SMO: variants seen among roughly 807,000 people sequenced by gnomAD.
SMO encodes the protein smoothened, frizzled class receptor, also known as protein smoothened.
SMO carries 40 observed loss-of-function variants against 81.6 expected under a neutral mutation model. The ratio of observed to expected loss-of-function variants is 0.49; its 90% CI spans 0.38 to 0.64. The LOEUF is 0.64. Among genes scored for constraint, SMO ranks in the 30% least tolerant of loss-of-function variants. The probability of loss-of-function intolerance (pLI) is 0.00; values close to 1 mark genes in which losing one functional copy is unlikely to be tolerated. For missense variants in SMO, 916 were observed against 1,061.1 expected (o/e 0.86, Z 1.90); for synonymous variants, 434 against 432.1 (o/e 1.00, Z -0.05).
chr7:129,196,357 T>TG (rs1438805439), intron 1 of SMO, among the ~76,000 whole-genome samples: 4 of 92,650 alleles, frequency 4.3e-5, no homozygotes, highest in African/African-American at 1.6e-4. Flanking sequence ...GTGTGTGTGT[T>TG]TTAATAGAGA....
At position 129,206,318 on chromosome 7, in the gene SMO, C is replaced by T. The variant is rs2150650264; in HGVS notation, c.1089C>T (p.Leu363=). Residue 363 remains leucine, a synonymous_variant, in exon 5 of 12, where the codon CTC becomes CTT. Coordinates refer to ENST00000249373, the MANE Select transcript of SMO (RefSeq NM_005631.5). This position sits in a 1 kb window ranked among gnomAD's most constrained non-coding sequence, Gnocchi z 4.4. ...LSGKTSYFHL[L]TWSLPFVLTV... ...GCAAGACCTCCTACTTCCACCTGCT[C>T]ACCTGGTCACTCCCCTTTGTCCTCA... 1.9e-6 allele frequency: 3 copies of T among 1,614,214 alleles called. No individual in the cohort carries two copies. Among genetic ancestry groups the T allele is most frequent in the South Asian group, 2.2e-5 (2 of 91,088 alleles).
At position 129,189,785 on chromosome 7, in the gene SMO, A is replaced by G. The variant is rs1793456779; in HGVS notation, c.331+303A>G. Among the ~76,000 whole-genome samples the G allele has an allele frequency of 1.3e-5, 2 of 152,218 alleles. No individual in the cohort carries two copies. The highest frequency in any genetic ancestry group is 3.4e-3 in the Middle Eastern group (1 of 294). On this transcript the variant is annotated intron_variant, in intron 1 of 11. Transcript: ENST00000249373. The surrounding 1 kb of genome is among the most constrained non-coding windows in gnomAD (Gnocchi z 4.7). Reference sequence around the variant, plus strand: ...GTGGCTCTAAGCCACGGGAAAAGACATTTTGTAAGAAGAGGAGATGCTCCA... The same window carrying G: ...GTGGCTCTAAGCCACGGGAAAAGACGTTTTGTAAGAAGAGGAGATGCTCCA...
At chr7:129,197,670 C>G (rs2150643561) in intron 1 of SMO, among the ~76,000 whole-genome samples, 1 of 152,308 alleles carries the variant, frequency 6.6e-6, no homozygotes, top group African/African-American at 2.4e-5. Context: ...ATCCGCCCGC[C>G]TCAGCCTCCC....
chr7:129,199,047 T>TAGA (rs781609285), intron 1 of SMO, among the ~76,000 whole-genome samples: 6 of 152,142 alleles, frequency 3.9e-5, no homozygotes, highest in East Asian at 1.9e-4. Context: ...ACATGTGAAG[T>TAGA]AGAAGTACTA....
chr7:129,196,120 GAAA>G (rs1167925142), intron 1 of SMO, among the ~76,000 whole-genome samples: 1 of 134,836 alleles, frequency 7.4e-6, no homozygotes, highest in Non-Finnish European at 1.6e-5. Context: ...AAAAAGAAAA[GAAA>G]AAAAAAACAA....
At chr7:129,199,759 A>G (rs1234430963) in intron 1 of SMO, among the ~76,000 whole-genome samples, 2 of 152,174 alleles carry the variant, frequency 1.3e-5, no homozygotes, top group Admixed American at 6.5e-5. Flanking sequence ...AATAAAAAAA[A>G]CATAAAGAGA....
rs1402944491 is a variant in SMO at position 129,206,654 on chromosome 7, G to A, written c.1264+67G>A. 3 of 1,558,760 alleles carry A rather than the reference G, an allele frequency of 1.9e-6. No individual in the cohort carries two copies. Among genetic ancestry groups the A allele is most frequent in the Non-Finnish European group, 2.6e-6 (3 of 1,142,042 alleles). On this transcript the variant is annotated intron_variant, in intron 6 of 11. Coordinates refer to ENST00000249373, the MANE Select transcript of SMO (RefSeq NM_005631.5). The surrounding 1 kb of genome is among the most constrained non-coding windows in gnomAD (Gnocchi z 4.4). ...TACTGGGCACTTGCTGCCAGTACTG[G>A]GAGCTGCCAGCACGGCTGCCCCCAT... is the stretch of plus-strand genomic sequence containing the variant.
At chr7:129,200,703 A>G (rs555151797) in intron 1 of SMO, among the ~76,000 whole-genome samples, 1 of 152,290 alleles carries the variant, frequency 6.6e-6, no homozygotes, top group East Asian at 1.9e-4. Context: ...ACAGATATAA[A>G]AAGATTGAGA....
At position 129,211,188 on chromosome 7, in the gene SMO, G is replaced by A. The variant is rs2150655074; in HGVS notation, c.1801+75G>A. On this transcript the variant is annotated intron_variant, in intron 10 of 11. Transcript: ENST00000249373. This position sits in a 1 kb window ranked among gnomAD's most constrained non-coding sequence, Gnocchi z 4.6. ...TGTGCTAGTCTCTCCCAGCCTGCTG[G>A]GGGCACACAGATTATTTGGAAGACC... 6.8e-7 allele frequency: 1 copy of A among 1,471,904 alleles called. No individual in the cohort carries two copies. Among genetic ancestry groups the A allele is most frequent in the Non-Finnish European group, 9.3e-7 (1 of 1,077,090 alleles). The allele number at this position is 1,471,904 out of a possible 1,614,324, so 91.2% of individuals were successfully genotyped here.
In SMO at chr7:129,203,502, C is replaced by G. The variant is rs1006734149; in HGVS notation, c.450C>G (p.Thr150=). The part of the protein sequence containing the change: ...ELPSRTLCQA[T]RGPCAIVERE... Reference sequence around the variant, plus strand: ...CCAGCCGTACCCTCTGCCAGGCCACCCGAGGCCCCTGTGCCATCGTGGAGA... The same window carrying G: ...CCAGCCGTACCCTCTGCCAGGCCACGCGAGGCCCCTGTGCCATCGTGGAGA... The change falls in exon 2 of 12, where the codon ACC becomes ACG. Residue 150 remains threonine, a synonymous_variant. Transcript: ENST00000249373. 1 of 1,605,988 alleles carries G rather than the reference C, an allele frequency of 6.2e-7. No homozygotes were observed. The highest frequency in any genetic ancestry group is 8.5e-7 in the Non-Finnish European group (1 of 1,177,846).
Position 129,212,628 on chromosome 7 carries a change from A to G in SMO, c.*177A>G, listed in dbSNP as rs1793897030. 20 of 642,892 alleles carry G rather than the reference A, an allele frequency of 3.1e-5. No homozygotes were observed. In the South Asian group the frequency reaches 3.8e-4, roughly 12 times the overall value. 39.8% of individuals were successfully genotyped at this position (642,892 alleles called of 1,614,324 possible). A position where few individuals can be genotyped will look rare whatever the true frequency, so the allele number is the denominator to read the frequency against. Reference sequence around the variant, plus strand: ...GCAGCAGGACTGTGGGAAAGAGCCTAACATCTCCATGGGGAGGCCTCACCC... The same window carrying G: ...GCAGCAGGACTGTGGGAAAGAGCCTGACATCTCCATGGGGAGGCCTCACCC... On this transcript the variant is annotated 3_prime_UTR_variant, in exon 12 of 12. Transcript: ENST00000249373. The surrounding 1 kb of genome is among the most constrained non-coding windows in gnomAD (Gnocchi z 5.0).
At position 129,192,003 on chromosome 7, in the gene SMO, C is replaced by G. The variant is rs1793488377; in HGVS notation, c.331+2521C>G. 1.3e-5 allele frequency among the ~76,000 whole-genome samples: 2 copies of G among 151,488 alleles called. 1 individual carries two copies. Among genetic ancestry groups the G allele is most frequent in the Non-Finnish European group, 2.9e-5 (2 of 67,934 alleles). On this transcript the variant is annotated intron_variant, in intron 1 of 11. Coordinates refer to ENST00000249373, the MANE Select transcript of SMO (RefSeq NM_005631.5). ...GGGAGGCCGAGGCGGGAAGATTGCT[C>G]AATACCAGGAGTTTAAGACCAGCCT...
At chr7:129,204,470 C>T (rs1261603571) in intron 2 of SMO, among the ~76,000 whole-genome samples, 1 of 151,900 alleles carries the variant, frequency 6.6e-6, no homozygotes, top group East Asian at 1.9e-4. Flanking sequence ...CATGGTGAAA[C>T]TCCGTCTCTA....
chr7:129,202,089 G>A (rs113180721), intron 1 of SMO, among the ~76,000 whole-genome samples: 1 of 152,170 alleles, frequency 6.6e-6, no homozygotes, highest in Non-Finnish European at 1.5e-5. Flanking sequence ...GCTGGGAGCA[G>A]TCAGAGGCCT....
At position 129,212,613 on chromosome 7, in the gene SMO, T is replaced by G. The variant is rs1001663534; in HGVS notation, c.*162T>G. 9 of 681,306 alleles carry G rather than the reference T, an allele frequency of 1.3e-5. No individual in the cohort carries two copies. Among genetic ancestry groups the G allele is most frequent in the Non-Finnish European group, 2.2e-5 (9 of 410,852 alleles). 42.2% of individuals were successfully genotyped at this position (681,306 alleles called of 1,614,324 possible). A position where few individuals can be genotyped will look rare whatever the true frequency, so the allele number is the denominator to read the frequency against. On this transcript the variant is annotated 3_prime_UTR_variant, in exon 12 of 12. Transcript: ENST00000249373. This position sits in a 1 kb window ranked among gnomAD's most constrained non-coding sequence, Gnocchi z 5.0. ...GATGTCTGGCTCAAAGCAGCAGGACTGTGGGAAAGAGCCTAACATCTCCAT... is the reference window on the plus strand; with the variant it reads ...GATGTCTGGCTCAAAGCAGCAGGACGGTGGGAAAGAGCCTAACATCTCCAT...
chr7:129,189,285 GCGGGAGCGCGAGGAGGAGCGCGGC>G lies in SMO; in HGVS notation c.135_158del (p.Gly46_Ala53del). ...ACCGGGCCTGGGCCTCGGAGCGCGG[GCGGGAGCGCGAGGAGGAGCGCGGC>G]GGTGACTGGCCCTCCGCCGCCGCTG... On this transcript the variant is annotated inframe_deletion, in exon 1 of 12. Coordinates refer to ENST00000249373, the MANE Select transcript of SMO (RefSeq NM_005631.5). This position sits in a 1 kb window ranked among gnomAD's most constrained non-coding sequence, Gnocchi z 4.7. The G allele has an allele frequency of 7.1e-7, 1 of 1,408,266 alleles. No individual in the cohort carries two copies. Among genetic ancestry groups the G allele is most frequent in the Non-Finnish European group, 9.2e-7 (1 of 1,091,842 alleles). The allele number at this position is 1,408,266 out of a possible 1,614,324, so 87.2% of individuals were successfully genotyped here. A position where few individuals can be genotyped will look rare whatever the true frequency, so the allele number is the denominator to read the frequency against.
rs2150637764 is a variant in SMO at position 129,189,181 on chromosome 7, G to T, written c.30G>T (p.Pro10=). 27 of 1,168,024 alleles carry T rather than the reference G, an allele frequency of 2.3e-5. No homozygotes were observed. The highest frequency in any genetic ancestry group is 2.9e-5 in the Non-Finnish European group (27 of 934,166). The allele number at this position is 1,168,024 out of a possible 1,614,324, so 72.4% of individuals were successfully genotyped here. MAAARPARG[P]ELPLLGLLLL... ...CCGCTGCCCGCCCAGCGCGGGGGCC[G>T]GAGCTCCCGCTCCTGGGGCTGCTGC... The change falls in exon 1 of 12, where the codon CCG becomes CCT. Residue 10 remains proline (P), a synonymous_variant. Coordinates refer to ENST00000249373, the MANE Select transcript of SMO (RefSeq NM_005631.5). The surrounding 1 kb of genome is among the most constrained non-coding windows in gnomAD (Gnocchi z 4.7).
Position 129,208,989 on chromosome 7 carries a change from G to A in SMO, c.1357+138G>A, listed in dbSNP as rs1293431935. On this transcript the variant is annotated intron_variant, in intron 7 of 11. Transcript: ENST00000249373. The surrounding 1 kb of genome is among the most constrained non-coding windows in gnomAD (Gnocchi z 5.2). ...GGGACAAGGACAAGGGGTGTGTGTA[G>A]GTGGTAGTGGTAGTGGCAGCTCAAA... The A allele has an allele frequency of 6.1e-6, 4 of 659,384 alleles. No individual in the cohort carries two copies. In the East Asian group the frequency reaches 1.1e-4, roughly 18 times the overall value. 40.8% of individuals were successfully genotyped at this position (659,384 alleles called of 1,614,324 possible). A position where few individuals can be genotyped will look rare whatever the true frequency, so the allele number is the denominator to read the frequency against.
At position 129,211,991 on chromosome 7, in the gene SMO, GC is replaced by G; in HGVS notation, c.1937-29del. On this transcript the variant is annotated intron_variant, in intron 11 of 11. Coordinates refer to ENST00000249373, the MANE Select transcript of SMO (RefSeq NM_005631.5). The surrounding 1 kb of genome is among the most constrained non-coding windows in gnomAD (Gnocchi z 4.6). ...CGGGGGTGGCATGGACAGAGCCAGG[GC>G]CCCAGGCTCGTGTTGTCTCTCCTCC... The G allele has an allele frequency of 6.5e-7, 1 of 1,549,914 alleles. No individual in the cohort carries two copies. The highest frequency in any genetic ancestry group is 8.7e-7 in the Non-Finnish European group (1 of 1,154,502).
Sources: allele counts gnomAD v4.1 joint callset (sites outside exome capture counted in the v4.1 genomes callset), GRCh38; gene constraint gnomAD v4.1.1; non-coding constraint Gnocchi (gnomAD v3.1); transcripts MANE v1.5; gene names NCBI Gene and HGNC (gene_info 2026-07-23, HGNC 2026-07-21).